IQCK: variants seen among roughly 807,000 people sequenced by gnomAD.
IQCK encodes IQ domain-containing protein K.
A neutral mutation model predicts 28.1 loss-of-function variants in IQCK; 29 were observed. That is an observed-to-expected ratio of 1.03 (90% CI 0.77 to 1.41). The LOEUF (loss-of-function observed/expected upper bound fraction) is 1.41, where lower values mean the gene tolerates loss of function less well. Ranked by LOEUF, IQCK falls within the 40% of genes most tolerant of loss-of-function variation. The pLI, the probability that IQCK is intolerant of heterozygous loss-of-function variation, is 0.00. For synonymous variants in IQCK, 113 were observed against 115.1 expected (o/e 0.98, Z 0.12); for missense variants, 359 against 314.7 (o/e 1.14, Z -1.07).
At chr16:19,738,086 C>A (rs2054781716) in intron 4 of IQCK, among the ~76,000 whole-genome samples, 1 of 152,182 alleles carries the variant, frequency 6.6e-6, no homozygotes, top group South Asian at 2.1e-4. Flanking sequence ...ATGTCTGTCT[C>A]CCCCTGTATT....
chr16:19,774,046 G>A (rs1020461135), intron 6 of IQCK, among the ~76,000 whole-genome samples: 4 of 152,182 alleles, frequency 2.6e-5, no homozygotes, highest in African/African-American at 9.7e-5. Flanking sequence ...ACTGGGAGGA[G>A]ACAGCTGAAG....
At chr16:19,831,307 T>C (rs2056230672), downstream of IQCK, among the ~76,000 whole-genome samples, 1 of 152,220 alleles carries the variant, frequency 6.6e-6, no homozygotes, top group Non-Finnish European at 1.5e-5. Context: ...TCTTGCTGTT[T>C]ATGTTTTCAT....
intron 4 of IQCK, among the ~76,000 whole-genome samples, chr16:19,741,658 T>A (rs868285099): frequency 6.6e-6 from 1 of 152,256 alleles, no homozygotes; most frequent in South Asian, 2.1e-4. Flanking sequence ...GTATAATGAA[T>A]GATAAAGCAA....
At chr16:19,718,593 C>T in intron 1 of IQCK, 106 bp downstream of exon 1, 1 of 1,048,488 alleles carries the variant, frequency 9.5e-7, no homozygotes. Flanking sequence ...GCGGGGCCGC[C>T]GGGCAGCGGC....
At chr16:19,721,014 A>G (rs898262266) in intron 1 of IQCK, among the ~76,000 whole-genome samples, 1 of 141,710 alleles carries the variant, frequency 7.1e-6, no homozygotes, top group Non-Finnish European at 1.5e-5. Flanking sequence ...TCCGTCTAGA[A>G]AAAAAAAAAA....
At chr16:19,728,912 C>T (rs887692759) in intron 1 of IQCK, among the ~76,000 whole-genome samples, 7 of 152,212 alleles carry the variant, frequency 4.6e-5, no homozygotes, top group African/African-American at 9.6e-5. Context: ...TGAAATAAAA[C>T]TTATGTCCAT....
At chr16:19,769,757 A>G (rs2055292643) in intron 6 of IQCK, among the ~76,000 whole-genome samples, 1 of 152,240 alleles carries the variant, frequency 6.6e-6, no homozygotes, top group Non-Finnish European at 1.5e-5. Context: ...TTCCTGAGAC[A>G]GTGCAAAGGA....
chr16:19,719,563 C>T (rs934299077), intron 1 of IQCK, among the ~76,000 whole-genome samples: 1 of 150,258 alleles, frequency 6.7e-6, no homozygotes, highest in Admixed American at 6.6e-5. Context: ...GCACTCCAGC[C>T]TGGGTGACAG....
chr16:19,853,707 C>T (rs1190696502), intron 9 of IQCK, among the ~76,000 whole-genome samples: 1 of 152,218 alleles, frequency 6.6e-6, no homozygotes, highest in Non-Finnish European at 1.5e-5. Context: ...TCTTGGCTCA[C>T]TGCACCCTCT....
At chr16:19,827,201 A>G (rs745668418), downstream of IQCK, 17 of 1,175,932 alleles carry the variant, frequency 1.4e-5, no homozygotes, top group Non-Finnish European at 2.2e-5. Flanking sequence ...TTCCAGGCTC[A>G]AGAAGGAGGC....
chr16:19,751,250 TG>T (rs1487218344), intron 4 of IQCK, among the ~76,000 whole-genome samples: 7 of 152,098 alleles, frequency 4.6e-5, no homozygotes, highest in Non-Finnish European at 8.8e-5. Context: ...CCCAGCACTT[TG>T]GCAGGCCTGC....
At chr16:19,803,967 G>A (rs1437050160) in intron 7 of IQCK, among the ~76,000 whole-genome samples, 2 of 152,200 alleles carry the variant, frequency 1.3e-5, no homozygotes, top group African/African-American at 2.4e-5. Flanking sequence ...AACAACACAG[G>A]AGATAGTGTT....
At chr16:19,770,758 G>C (rs959698710) in intron 6 of IQCK, among the ~76,000 whole-genome samples, 1 of 152,152 alleles carries the variant, frequency 6.6e-6, no homozygotes, top group Non-Finnish European at 1.5e-5. Context: ...AAGTAGCTGG[G>C]ATTACAGGCA....
At chr16:19,809,488 C>T (rs1406777926) in intron 7 of IQCK, among the ~76,000 whole-genome samples, 1 of 152,182 alleles carries the variant, frequency 6.6e-6, no homozygotes, top group African/African-American at 2.4e-5. Flanking sequence ...CTCCAGTAAA[C>T]CACATCAGCT....
chr16:19,747,785 C>A (rs1047138058), intron 4 of IQCK, among the ~76,000 whole-genome samples: 1 of 152,136 alleles, frequency 6.6e-6, no homozygotes, highest in Non-Finnish European at 1.5e-5. Context: ...ATAATGCCCC[C>A]CAGTTCCATC....
Position 19,731,602 on chromosome 16 carries a change from C to T in IQCK, c.246+1108C>T, listed in dbSNP as rs1210151001. Among the ~76,000 whole-genome samples, 6 of 152,282 alleles carry T rather than the reference C, an allele frequency of 3.9e-5. No homozygotes were observed. The East Asian group carries it at 5.8e-4, about 15-fold the overall frequency. On this transcript the variant is annotated intron_variant, in intron 2 of 7. Coordinates refer to ENST00000564186, the Ensembl canonical transcript of IQCK. ...TGACAATATATGTTGATCTTCGTCT[C>T]TTGTGCTATGATCTTCTTGACCCGT... is the stretch of plus-strand genomic sequence containing the variant.
At chr16:19,853,683 G>A (rs1003181268) in intron 9 of IQCK, among the ~76,000 whole-genome samples, 2 of 152,300 alleles carry the variant, frequency 1.3e-5, no homozygotes, top group East Asian at 3.9e-4. Context: ...CCAGGCTGGA[G>A]TGCAGTAACA....
intron 4 of IQCK, among the ~76,000 whole-genome samples, chr16:19,744,705 G>A (rs2054882835): frequency 6.6e-6 from 1 of 152,146 alleles, no homozygotes; most frequent in Non-Finnish European, 1.5e-5. Flanking sequence ...TTTTTAAGTG[G>A]CATCTGTATG....
chr16:19,828,896 A>ATATATATTTT (rs1287096134), downstream of IQCK, among the ~76,000 whole-genome samples: 1 of 131,328 alleles, frequency 7.6e-6, no homozygotes, highest in Non-Finnish European at 1.5e-5. Flanking sequence ...AATATATATT[A>ATATATATTTT]TATATATTTT....
Sources: allele counts gnomAD v4.1 joint callset (sites outside exome capture counted in the v4.1 genomes callset), GRCh38; gene constraint gnomAD v4.1.1; transcripts MANE v1.5; gene names NCBI Gene and HGNC (gene_info 2026-07-23, HGNC 2026-07-21).